TNRC6A: variants seen among roughly 807,000 people sequenced by gnomAD.
The protein encoded by TNRC6A is trinucleotide repeat containing adaptor 6A.
Under a neutral mutation model 221.2 loss-of-function variants are expected in TNRC6A, and 44 were observed. That is an observed-to-expected ratio of 0.20 (90% confidence interval 0.16 to 0.26). The LOEUF (loss-of-function observed/expected upper bound fraction) is 0.26, where lower values mean the gene tolerates loss of function less well. Among genes scored for constraint, TNRC6A ranks in the 10% least tolerant of loss-of-function variants. TNRC6A has a pLI of 1.00. For synonymous variants in TNRC6A, 847 were observed against 838.5 expected (o/e 1.01, Z -0.18); for missense variants, 2,199 against 2,404.4 (o/e 0.91, Z 1.79).
chr16:24,766,821 C>T (rs1340679388), intron 4 of TNRC6A, among the ~76,000 whole-genome samples: 6 of 151,788 alleles, frequency 4.0e-5, no homozygotes. Context: ...GGATTACAGG[C>T]GCCTGCCACC....
At chr16:24,815,425 G>C (rs1351155362) in intron 19 of TNRC6A, 120 bp downstream of exon 19, 1 of 1,166,684 alleles carries the variant, frequency 8.6e-7, no homozygotes, top group Non-Finnish European at 1.2e-6. Flanking sequence ...GTGCGGATGA[G>C]AAGGAATGCA....
chr16:24,760,841 A>T (rs771223428), intron 4 of TNRC6A, among the ~76,000 whole-genome samples: 1 of 152,208 alleles, frequency 6.6e-6, no homozygotes, highest in African/African-American at 2.4e-5. Context: ...TTACATTACC[A>T]TGGTACATTT....
intron 2 of TNRC6A, among the ~76,000 whole-genome samples, chr16:24,717,841 G>T (rs567987881): frequency 2.9e-5 from 4 of 140,344 alleles, no homozygotes; most frequent in African/African-American, 1.1e-4. Flanking sequence ...GTGCCACCTC[G>T]GCTCACTACA....
intron 1 of TNRC6A, among the ~76,000 whole-genome samples, chr16:24,633,026 A>AAAT (rs1901429137): frequency 6.6e-6 from 1 of 151,384 alleles, no homozygotes; most frequent in Non-Finnish European, 1.5e-5. Flanking sequence ...AAAAAAAAAA[A>AAAT]ATCCAGACTT....
intron 2 of TNRC6A, among the ~76,000 whole-genome samples, chr16:24,702,894 G>A (rs1046270548): frequency 1.3e-5 from 2 of 152,010 alleles, no homozygotes; most frequent in East Asian, 3.9e-4. Flanking sequence ...AATTAGCTGA[G>A]CGTGGTGGCG....
intron 2 of TNRC6A, among the ~76,000 whole-genome samples, chr16:24,645,447 G>A (rs1272305881): frequency 2.0e-5 from 3 of 151,194 alleles, no homozygotes; most frequent in Middle Eastern, 3.2e-3. Flanking sequence ...CCAAGATCAC[G>A]CCACTGCACT....
rs1369057108 is a variant in TNRC6A at position 24,806,200 on chromosome 16, C to A, written c.4252-6C>A. 1 of 1,613,724 alleles carries A rather than the reference C, an allele frequency of 6.2e-7. No individual in the cohort carries two copies. Among genetic ancestry groups the A allele is most frequent in the African/African-American group, 1.3e-5 (1 of 74,910 alleles). ...AGTAACAACCTTTTCGCTATCTTTC[C>A]TCTAGCGATTGTTAGCGCAGCAGCA... On this transcript the variant is annotated splice_region_variant and splice_polypyrimidine_tract_variant and intron_variant, in intron 15 of 24. Transcript: ENST00000395799.
intron 11 of TNRC6A, 23 bp from the exon 12 acceptor site, chr16:24,804,154 T>C (rs775550200): frequency 6.4e-7 from 1 of 1,568,420 alleles, no homozygotes; most frequent in Admixed American, 2.1e-5. Context: ...TCCTGTTTGA[T>C]AACAGTCTCC....
intron 1 of TNRC6A, among the ~76,000 whole-genome samples, chr16:24,611,014 T>G (rs1900030398): frequency 6.6e-6 from 1 of 152,076 alleles, no homozygotes; most frequent in South Asian, 2.1e-4. Flanking sequence ...GGTTTCACCA[T>G]GTTGGCCAGG....
intron 2 of TNRC6A, among the ~76,000 whole-genome samples, chr16:24,747,276 A>G (rs575399022): frequency 6.6e-6 from 1 of 152,332 alleles, no homozygotes; most frequent in Non-Finnish European, 1.5e-5. Flanking sequence ...ATTTTCCTAG[A>G]AAGTTCCCTC....
chr16:24,645,834 C>CAAA (rs36106864), intron 2 of TNRC6A, among the ~76,000 whole-genome samples: 747 of 26,586 alleles, frequency 0.028, 161 homozygotes, highest in African/African-American at 0.049. Flanking sequence ...CCTGTATCTA[C>CAAA]AAAAAAAAAA....
intron 18 of TNRC6A, among the ~76,000 whole-genome samples, chr16:24,814,834 G>A (rs1478335134): frequency 1.3e-5 from 2 of 152,136 alleles, no homozygotes; most frequent in African/African-American, 4.8e-5. Flanking sequence ...TCTATTGCCT[G>A]AAAAGAACCC....
At chr16:24,665,418 C>T (rs1037922684) in intron 2 of TNRC6A, among the ~76,000 whole-genome samples, 9 of 152,106 alleles carry the variant, frequency 5.9e-5, no homozygotes, top group African/African-American at 2.2e-4. Flanking sequence ...GAGTCAAAGA[C>T]TCAGAGAATC....
chr16:24,682,009 G>A (rs1311185815), intron 2 of TNRC6A, among the ~76,000 whole-genome samples: 2 of 152,178 alleles, frequency 1.3e-5, no homozygotes, highest in Non-Finnish European at 2.9e-5. Context: ...GGCCTCGCCA[G>A]TATAAGTATC....
At chr16:24,737,562 G>C (rs577354348) in intron 2 of TNRC6A, among the ~76,000 whole-genome samples, 1 of 152,198 alleles carries the variant, frequency 6.6e-6, no homozygotes, top group Non-Finnish European at 1.5e-5. Context: ...CTGACTTCCC[G>C]TTTCAAATGG....
intron 2 of TNRC6A, among the ~76,000 whole-genome samples, chr16:24,709,794 C>T (rs930017920): frequency 2.3e-5 from 3 of 131,268 alleles, no homozygotes; most frequent in Non-Finnish European, 4.5e-5. Flanking sequence ...TATTGCGTGC[C>T]AGCCTGGGCA....
chr16:24,775,488 G>A (rs1267919508), intron 4 of TNRC6A, among the ~76,000 whole-genome samples: 1 of 152,182 alleles, frequency 6.6e-6, no homozygotes, highest in African/African-American at 2.4e-5. Context: ...AAGAAAATGG[G>A]GAGATCAGTT....
chr16:24,754,438 C>G lies in TNRC6A; in HGVS notation c.141+3625C>G, dbSNP rs550845388. 5.9e-5 allele frequency among the ~76,000 whole-genome samples: 9 copies of G among 152,092 alleles called. No homozygotes were observed. The East Asian group carries it at 1.3e-3, about 23-fold the overall frequency. Reference sequence around the variant, plus strand: ...TTTGTTCTTAAAATTTTTTGAAAAGCCTTTTCATCAAAGATTATGTATAAC... The same window carrying G: ...TTTGTTCTTAAAATTTTTTGAAAAGGCTTTTCATCAAAGATTATGTATAAC... On this transcript the variant is annotated intron_variant, in intron 3 of 24. Coordinates refer to ENST00000395799, the MANE Select transcript of TNRC6A (RefSeq NM_014494.4).
At chr16:24,755,105 T>G (rs2057221929) in intron 3 of TNRC6A, among the ~76,000 whole-genome samples, 1 of 152,184 alleles carries the variant, frequency 6.6e-6, no homozygotes, top group South Asian at 2.1e-4. Flanking sequence ...CACCTTACAC[T>G]TCTCTTTTCC....
Sources: gnomAD v4.1 joint callset for allele counts (sites outside exome capture counted in the v4.1 genomes callset) on GRCh38, gnomAD v4.1.1 for gene constraint, MANE v1.5 for transcripts, NCBI Gene and HGNC (gene_info 2026-07-23, HGNC 2026-07-21) for gene names.